SF3B1: variants seen among roughly 807,000 people sequenced by gnomAD.
The protein encoded by SF3B1 is pre-mRNA processing 10.
In SF3B1, 12 loss-of-function variants were observed where a neutral mutation model predicts 153.8. That is an observed-to-expected ratio of 0.08 (90% confidence interval 0.05 to 0.13). SF3B1 has a LOEUF of 0.13. Ranked by LOEUF, SF3B1 falls within the 10% of genes least tolerant of loss-of-function variation. The probability of loss-of-function intolerance (pLI) is 1.00; values close to 1 mark genes in which losing one functional copy is unlikely to be tolerated. For synonymous variants in SF3B1, 498 were observed against 525.2 expected, an observed-to-expected ratio of 0.95 and a Z score of 0.71; for missense variants, 513 against 1,606.1, an observed-to-expected ratio of 0.32 and a Z score of 11.63.
chr2:197,429,783 C>CA (rs199999089), intron 1 of SF3B1, among the ~76,000 whole-genome samples: 1,776 of 131,322 alleles, frequency 0.014, 18 homozygotes, highest in South Asian at 0.044. Context: ...GACTCTGTCT[C>CA]AAAAAAAAAA....
chr2:197,402,245 T>C lies in SF3B1; in HGVS notation c.2078-115A>G, dbSNP rs1043201271. 4 of 1,266,068 alleles carry C rather than the reference T, an allele frequency of 3.2e-6. No homozygotes were observed. The highest frequency in any genetic ancestry group is 4.3e-6 in the Non-Finnish European group (4 of 927,254). 78.4% of individuals were successfully genotyped at this position (1,266,068 alleles called of 1,614,324 possible). On this transcript the variant is annotated intron_variant, in intron 14 of 24. Coordinates refer to ENST00000335508, the MANE Select transcript of SF3B1 (RefSeq NM_012433.4). The surrounding 1 kb of genome is among the most constrained non-coding windows in gnomAD (Gnocchi z 4.6). The stretch of plus-strand genomic sequence containing the variant: ...AGCCAAACTGCAGAATATGTTCACA[T>C]TAAACAAAATTAGGTAAAAGCAAAA...
intron 5 of SF3B1, 35 bp downstream of exon 5, chr2:197,418,474 T>G (rs1417371175): frequency 2.0e-6 from 3 of 1,495,532 alleles, no homozygotes; most frequent in Non-Finnish European, 2.8e-6. Flanking sequence ...TTATATTCTT[T>G]CACAACCATT....
At position 197,402,536 on chromosome 2, in the gene SF3B1, A is replaced by AT. The variant is rs749047192; in HGVS notation, c.2077+19_2077+20insA. 1.3e-6 allele frequency: 2 copies of AT among 1,598,762 alleles called. No individual in the cohort carries two copies. The highest frequency in any genetic ancestry group is 3.5e-5 in the Admixed American group (2 of 57,242). ...CTCCTAAAGAAAAAAAAAAAAAGACAAAGTTACATTACAACTTACCATGTT... is the reference window on the plus strand; with the variant it reads ...CTCCTAAAGAAAAAAAAAAAAAGACATAAGTTACATTACAACTTACCATGTT... On this transcript the variant is annotated intron_variant, in intron 14 of 24. Coordinates refer to ENST00000335508, the MANE Select transcript of SF3B1 (RefSeq NM_012433.4). This position sits in a 1 kb window ranked among gnomAD's most constrained non-coding sequence, Gnocchi z 4.6.
At position 197,408,379 on chromosome 2, in the gene SF3B1, G is replaced by A; in HGVS notation, c.1107C>T (p.Thr369=). The part of the protein sequence containing the change: ...PIGTPAMNMA[T]PTPGHIMSMT... ...ATGAGACAGTTCTACCTGGAGTAGG[G>A]GTAGCCATGTTCATGGCTGGTGTGC... Residue 369 remains threonine, a synonymous_variant, in exon 8 of 25, where the codon ACC becomes ACT. Transcript: ENST00000335508. 6.2e-7 allele frequency: 1 copy of A among 1,613,160 alleles called. No homozygotes were observed. Among genetic ancestry groups the A allele is most frequent in the South Asian group, 1.1e-5 (1 of 91,064 alleles).
intron 11 of SF3B1, among the ~76,000 whole-genome samples, chr2:197,404,133 G>A (rs776591041): frequency 7.9e-5 from 12 of 152,168 alleles, no homozygotes; most frequent in Non-Finnish European, 1.5e-4. Context: ...AGAACAAAAA[G>A]GAGAATCTCA....
At chr2:197,407,882 G>A (rs2105993635) in intron 9 of SF3B1, 116 bp downstream of exon 9, 1 of 810,272 alleles carries the variant, frequency 1.2e-6, no homozygotes, top group Non-Finnish European at 2.0e-6. Context: ...ATAGCTAAGA[G>A]AATGGAATGA....
At chr2:197,423,314 G>A (rs2085278481) in intron 2 of SF3B1, among the ~76,000 whole-genome samples, 1 of 151,454 alleles carries the variant, frequency 6.6e-6, no homozygotes, top group Non-Finnish European at 1.5e-5. Context: ...TTGAAACCGG[G>A]AGGCGGAGGT....
chr2:197,429,105 A>G lies in SF3B1; in HGVS notation c.29-5131T>C, dbSNP rs577707675. ...ATGCTAATAATCTCTTCCAACTTCA[A>G]TTATGACCAAAATGAACAAATCCTG... On this transcript the variant is annotated intron_variant, in intron 1 of 24. Coordinates refer to ENST00000335508, the MANE Select transcript of SF3B1 (RefSeq NM_012433.4). Among the ~76,000 whole-genome samples the G allele has an allele frequency of 2.6e-4, 39 of 152,330 alleles. 1 individual carries two copies. The highest frequency in any genetic ancestry group is 7.7e-4 in the African/African-American group (32 of 41,578).
At chr2:197,424,014 C>G in intron 1 of SF3B1, 40 bp from the exon 2 acceptor site, 1 of 1,530,038 alleles carries the variant, frequency 6.5e-7, no homozygotes, top group South Asian at 1.2e-5. Flanking sequence ...TTTCACTTTC[C>G]AAAAGAACTC....
chr2:197,413,033 AAAC>A (rs1004781625), intron 6 of SF3B1, among the ~76,000 whole-genome samples: 35 of 151,748 alleles, frequency 2.3e-4, no homozygotes, highest in African/African-American at 8.2e-4. Context: ...GCATACAGTT[AAAC>A]AATTAACAGG....
intron 1 of SF3B1, among the ~76,000 whole-genome samples, chr2:197,426,652 C>T (rs1263745273): frequency 1.3e-5 from 2 of 152,112 alleles, no homozygotes; most frequent in African/African-American, 4.8e-5. Context: ...TGACCTGGTG[C>T]ACCTGTTACA....
chr2:197,405,018 T>G (rs1223773455), intron 11 of SF3B1, 58 bp downstream of exon 11: 3 of 1,208,080 alleles, frequency 2.5e-6, no homozygotes, highest in Admixed American at 5.1e-5. Context: ...AAACTACAAA[T>G]TTTTTTTAAT....
chr2:197,392,575 G>GGC (rs201605136), intron 24 of SF3B1, 114 bp from the exon 25 acceptor site: 42,533 of 314,632 alleles, frequency 0.14, 8,360 homozygotes, highest in Admixed American at 0.2. Context: ...GGAGTTGGGG[G>GGC]GGGGGGAACC....
intron 4 of SF3B1, chr2:197,419,674 T>A (rs948052005): frequency 4.5e-6 from 1 of 224,204 alleles, no homozygotes. Context: ...ACAGTTAGTA[T>A]GGGCCTGTGA....
At position 197,400,954 on chromosome 2, in the gene SF3B1, A is replaced by G; in HGVS notation, c.2497-18T>C. ...TCAACTAACTAAAAAGAACAGAAAA[A>G]CAAAAAACCTTTTAGACTGCTTTTC... On this transcript the variant is annotated intron_variant, in intron 17 of 24. Transcript: ENST00000335508. This position sits in a 1 kb window ranked among gnomAD's most constrained non-coding sequence, Gnocchi z 5.0. 1 of 1,531,358 alleles carries G rather than the reference A, an allele frequency of 6.5e-7. No homozygotes were observed. Among genetic ancestry groups the G allele is most frequent in the Non-Finnish European group, 9.0e-7 (1 of 1,113,292 alleles). The allele number at this position is 1,531,358 out of a possible 1,614,324, so 94.9% of individuals were successfully genotyped here. A position where few individuals can be genotyped will look rare whatever the true frequency, so the allele number is the denominator to read the frequency against.
At position 197,390,485 on chromosome 2, in the gene SF3B1, G is replaced by C. The variant is rs1423484392; in HGVS notation, c.*1818C>G. On this transcript the variant is annotated 3_prime_UTR_variant, in exon 25 of 25. Coordinates refer to ENST00000335508, the MANE Select transcript of SF3B1 (RefSeq NM_012433.4). ...AAAACTTCTAACAACAGAAAGATGAGTTTGGAGTGTTTAATTTTACTACAT... is the reference window on the plus strand; with the variant it reads ...AAAACTTCTAACAACAGAAAGATGACTTTGGAGTGTTTAATTTTACTACAT... 6.6e-6 allele frequency: 1 copy of C among 152,210 alleles called. No individual in the cohort carries two copies. The highest frequency in any genetic ancestry group is 2.4e-5 in the African/African-American group (1 of 41,444). 9.4% of individuals were successfully genotyped at this position (152,210 alleles called of 1,614,324 possible).
intron 6 of SF3B1, among the ~76,000 whole-genome samples, chr2:197,413,528 T>C (rs568701557): frequency 6.6e-6 from 1 of 152,292 alleles, no homozygotes; most frequent in South Asian, 2.1e-4. Context: ...GTTTAGAAAT[T>C]ATGTATTAGG....
Position 197,398,466 on chromosome 2 carries a change from A to T in SF3B1, c.3129T>A (p.Ala1043=), listed in dbSNP as rs1210756800. ...ENCIDLVGRI[A]DRGAEYVSAR... ...TGTGTGGGTAATCTGCTTACCTGTC[A>T]GCAATACGACCAACAAGATCAATAC... Residue 1043 remains alanine (A), a synonymous_variant, in exon 21 of 25, where the codon GCT becomes GCA. Coordinates refer to ENST00000335508, the MANE Select transcript of SF3B1 (RefSeq NM_012433.4). 6.2e-7 allele frequency: 1 copy of T among 1,613,526 alleles called. No individual in the cohort carries two copies.
At chr2:197,431,101 CTTCTT>C (rs1383036787) in intron 1 of SF3B1, among the ~76,000 whole-genome samples, 4 of 121,482 alleles carry the variant, frequency 3.3e-5, no homozygotes, top group African/African-American at 6.3e-5. Context: ...TGTGCCTTTT[CTTCTT>C]TTTTTTTTTT....
Sources: allele counts gnomAD v4.1 joint callset (sites outside exome capture counted in the v4.1 genomes callset), GRCh38; gene constraint gnomAD v4.1.1; non-coding constraint Gnocchi (gnomAD v3.1); transcripts MANE v1.5; gene names NCBI Gene and HGNC (gene_info 2026-07-23, HGNC 2026-07-21).